C8orf34: variants seen among roughly 807,000 people sequenced by gnomAD.
C8orf34 encodes the protein chromosome 8 open reading frame 34, also known as uncharacterized protein C8orf34.
In C8orf34, 65 loss-of-function variants were observed where a neutral mutation model predicts 68.3. The observed-to-expected ratio is 0.95, with a 90% CI of 0.78 to 1.17. C8orf34 has a LOEUF of 1.17. Ranked by LOEUF, C8orf34 falls within the 50% of genes most tolerant of loss-of-function variation. C8orf34 has a pLI of 0.00. For synonymous variants in C8orf34, 244 were observed against 241.2 expected, an observed-to-expected ratio of 1.01 and a Z score of -0.11; for missense variants, 664 against 655.4, an observed-to-expected ratio of 1.01 and a Z score of -0.14.
At chr8:68,486,057 A>ATG (rs1267744130) in intron 4 of C8orf34, among the ~76,000 whole-genome samples, 1 of 152,220 alleles carries the variant, frequency 6.6e-6, no homozygotes, top group African/African-American at 2.4e-5. Context: ...AATCTATAGA[A>ATG]TGTGACATAA....
intron 8 of C8orf34, among the ~76,000 whole-genome samples, chr8:68,707,307 C>T (rs1007832569): frequency 1.3e-5 from 2 of 152,126 alleles, no homozygotes; most frequent in Admixed American, 6.6e-5. Context: ...TGGACAAGGA[C>T]GAGCCAGCTG....
At chr8:68,338,697 G>T (rs1218607104) in intron 1 of C8orf34, among the ~76,000 whole-genome samples, 2 of 151,980 alleles carry the variant, frequency 1.3e-5, no homozygotes, top group African/African-American at 4.8e-5. Flanking sequence ...TATTCCGTAT[G>T]GCTATGTGCT....
intron 1 of C8orf34, among the ~76,000 whole-genome samples, chr8:68,434,860 C>T (rs1253678939): frequency 1.3e-5 from 2 of 152,030 alleles, no homozygotes; most frequent in Admixed American, 1.3e-4. Flanking sequence ...GCCTGACCAA[C>T]ATGGTGAAAC....
chr8:68,412,919 C>T (rs539388268), intron 1 of C8orf34, among the ~76,000 whole-genome samples: 47 of 152,276 alleles, frequency 3.1e-4, no homozygotes, highest in Middle Eastern at 3.4e-3. Flanking sequence ...TGTGTCCTAT[C>T]AAGCTTAAAC....
At chr8:68,443,582 A>G (rs1000912284) in intron 2 of C8orf34, among the ~76,000 whole-genome samples, 41 of 147,068 alleles carry the variant, frequency 2.8e-4, no homozygotes, top group Admixed American at 2.6e-3. Flanking sequence ...TTTTTTTTGT[A>G]TTTTTAGTAG....
chr8:68,799,658 A>C (rs987448873), intron 12 of C8orf34, among the ~76,000 whole-genome samples: 1 of 152,234 alleles, frequency 6.6e-6, no homozygotes, highest in African/African-American at 2.4e-5. Context: ...AAAAGTCAAC[A>C]TACATATACT....
intron 3 of C8orf34, chr8:68,447,593 G>C (rs1811177793): frequency 1.3e-5 from 2 of 152,188 alleles, no homozygotes; most frequent in Admixed American, 1.3e-4. Flanking sequence ...AGTTTCAACA[G>C]AGAAAGGAGT....
At chr8:68,620,795 T>G (rs558158066) in intron 7 of C8orf34, among the ~76,000 whole-genome samples, 1 of 151,200 alleles carries the variant, frequency 6.6e-6, no homozygotes, top group East Asian at 1.9e-4. Flanking sequence ...TTTTTTTTTT[T>G]CCCCCATTAC....
chr8:68,568,110 A>G (rs938495456), intron 7 of C8orf34, among the ~76,000 whole-genome samples: 3 of 152,152 alleles, frequency 2.0e-5, no homozygotes, highest in African/African-American at 7.2e-5. Flanking sequence ...TAAGTTCACC[A>G]TCTTATATGG....
At chr8:68,723,977 A>T (rs1821755618) in intron 10 of C8orf34, among the ~76,000 whole-genome samples, 1 of 152,134 alleles carries the variant, frequency 6.6e-6, no homozygotes, top group African/African-American at 2.4e-5. Context: ...TGCATTAAAA[A>T]TTATCCAATT....
intron 10 of C8orf34, among the ~76,000 whole-genome samples, chr8:68,757,063 T>C (rs1431783602): frequency 6.6e-6 from 1 of 152,230 alleles, no homozygotes; most frequent in Non-Finnish European, 1.5e-5. Context: ...CATTTCATAG[T>C]TGAATGGCAT....
At chr8:68,587,661 A>C (rs546213388) in intron 7 of C8orf34, among the ~76,000 whole-genome samples, 1 of 152,146 alleles carries the variant, frequency 6.6e-6, no homozygotes, top group African/African-American at 2.4e-5. Context: ...TAATAACAAG[A>C]TTTATGTTGA....
At chr8:68,452,758 T>G (rs1489927564) in intron 3 of C8orf34, among the ~76,000 whole-genome samples, 1 of 151,490 alleles carries the variant, frequency 6.6e-6, no homozygotes, top group East Asian at 1.9e-4. Flanking sequence ...ACATCAGTTT[T>G]TAATTTTGAT....
intron 1 of C8orf34, among the ~76,000 whole-genome samples, chr8:68,337,473 A>G (rs565171833): frequency 6.6e-6 from 1 of 152,324 alleles, no homozygotes; most frequent in South Asian, 2.1e-4. Context: ...GACTGAAGGG[A>G]CATGGCAACT....
At chr8:68,387,887 C>A (rs1316432580) in intron 1 of C8orf34, among the ~76,000 whole-genome samples, 1 of 152,130 alleles carries the variant, frequency 6.6e-6, no homozygotes, top group African/African-American at 2.4e-5. Flanking sequence ...TATTTCCCTT[C>A]ATCCACCTGA....
intron 7 of C8orf34, among the ~76,000 whole-genome samples, chr8:68,627,416 C>A (rs1818568550): frequency 6.6e-6 from 1 of 152,244 alleles, no homozygotes; most frequent in African/African-American, 2.4e-5. Context: ...TTCAGTTACA[C>A]CAGGCAAGGC....
chr8:68,418,474 T>G (rs975606828), intron 1 of C8orf34, among the ~76,000 whole-genome samples: 11 of 152,166 alleles, frequency 7.2e-5, no homozygotes, highest in Non-Finnish European at 1.2e-4. Context: ...GTCCCATCAA[T>G]ACCTAATTTA....
intron 10 of C8orf34, among the ~76,000 whole-genome samples, chr8:68,765,209 G>A (rs1823137542): frequency 6.6e-6 from 1 of 152,190 alleles, no homozygotes; most frequent in Non-Finnish European, 1.5e-5. Context: ...GGAAAGTGGT[G>A]TTATCGCCAT....
intron 10 of C8orf34, among the ~76,000 whole-genome samples, chr8:68,739,639 C>A (rs1822223783): frequency 6.6e-6 from 1 of 152,140 alleles, no homozygotes; most frequent in African/African-American, 2.4e-5. Context: ...TAGGAAGAAT[C>A]AGTGTCATTA....
Sources: allele counts gnomAD v4.1 joint callset (sites outside exome capture counted in the v4.1 genomes callset), GRCh38; gene constraint gnomAD v4.1.1; transcripts MANE v1.5; gene names NCBI Gene and HGNC (gene_info 2026-07-23, HGNC 2026-07-21).